Variants in GNA12 observed in about 807,000 individuals in gnomAD.
GNA12 encodes G protein subunit alpha 12, also known as guanine nucleotide-binding protein subunit alpha-12.
GNA12 carries 9 observed loss-of-function variants against 26.0 expected under a neutral mutation model. The observed-to-expected ratio is 0.35, with a 90% CI of 0.21 to 0.60. The LOEUF (loss-of-function observed/expected upper bound fraction) is 0.60. GNA12 is among the 20% of genes least tolerant of loss of function. The probability of loss-of-function intolerance (pLI) is 0.78; values close to 1 mark genes in which losing one functional copy is unlikely to be tolerated. For synonymous variants in GNA12, 264 were observed against 219.6 expected, an observed-to-expected ratio of 1.20 and a Z score of -1.79; for missense variants, 405 against 525.8, an observed-to-expected ratio of 0.77 and a Z score of 2.25.
intron 2 of GNA12, among the ~76,000 whole-genome samples, chr7:2,756,859 G>T (rs986114812): frequency 6.6e-6 from 1 of 152,038 alleles, no homozygotes; most frequent in Admixed American, 6.5e-5. Context: ...GATCCCTTGA[G>T]CCCAGGCCAT....
At chr7:2,733,848 G>A (rs542212627) in intron 2 of GNA12, among the ~76,000 whole-genome samples, 2 of 152,320 alleles carry the variant, frequency 1.3e-5, no homozygotes, top group South Asian at 4.1e-4. Context: ...GCCAGCAAAG[G>A]ACAGGCTAGA....
At chr7:2,767,354 G>A (rs1791833462) in intron 2 of GNA12, among the ~76,000 whole-genome samples, 1 of 152,046 alleles carries the variant, frequency 6.6e-6, no homozygotes. Context: ...TTTCTTCTAG[G>A]AGTTTTAGTT....
intron 2 of GNA12, among the ~76,000 whole-genome samples, chr7:2,746,860 A>G (rs975666540): frequency 2.6e-5 from 4 of 152,138 alleles, no homozygotes; most frequent in African/African-American, 7.2e-5. Context: ...CCACAGAAAT[A>G]CAAACTACCA....
intron 1 of GNA12, among the ~76,000 whole-genome samples, chr7:2,819,772 G>A (rs1029642090): frequency 3.9e-5 from 6 of 152,256 alleles, no homozygotes; most frequent in South Asian, 2.1e-4. Context: ...CCCCAAAGAC[G>A]TTATATTGGT....
chr7:2,786,952 A>G (rs1054674763), intron 2 of GNA12, among the ~76,000 whole-genome samples: 35 of 152,320 alleles, frequency 2.3e-4, no homozygotes, highest in African/African-American at 8.2e-4. Context: ...GGAAGACACC[A>G]GATGCCACTG....
rs150519840 is a variant in GNA12 at position 2,731,486 on chromosome 7, C to T, written c.841G>A (p.Val281Ile). ...ACGTTGAAGAAGAGCTTGTTGTTGA[C>T]GATGGTCTCGAAGATGTTCATGGAC... ...VESMNIFETI[V>I]NNKLFFNVSI... The change falls in exon 4 of 4, where the codon GTC becomes ATC. Residue 281 changes from valine (V) to isoleucine (I), a missense_variant. By Grantham distance (29) the Val-to-Ile change is conservative (BLOSUM62 3). Transcript: ENST00000275364. This position sits in a 1 kb window ranked among gnomAD's most constrained non-coding sequence, Gnocchi z 6.0. The T allele has an allele frequency of 1.5e-5, 25 of 1,613,676 alleles. No homozygotes were observed. The highest frequency in any genetic ancestry group is 7.7e-5 in the South Asian group (7 of 91,058).
At chr7:2,767,165 A>G (rs1583263131) in intron 2 of GNA12, among the ~76,000 whole-genome samples, 1 of 152,286 alleles carries the variant, frequency 6.6e-6, no homozygotes. Flanking sequence ...TGATTTGCAA[A>G]TATTTTTCCC....
intron 2 of GNA12, among the ~76,000 whole-genome samples, chr7:2,768,674 AAACAAAACAAAAC>A (rs933186261): frequency 2.4e-5 from 3 of 123,008 alleles, no homozygotes; most frequent in Non-Finnish European, 3.9e-5. Context: ...GGTAAAAAAA[AAACAAAACAAAAC>A]AAAAAAAAAA....
chr7:2,800,660 G>A (rs1369486529), intron 1 of GNA12, among the ~76,000 whole-genome samples: 2 of 152,204 alleles, frequency 1.3e-5, no homozygotes, highest in Admixed American at 6.5e-5. Flanking sequence ...AGCAGAGGCC[G>A]AAGGCAAAGA....
Position 2,815,010 on chromosome 7 carries a change from C to T in GNA12, c.310-19867G>A. 2.0e-6 allele frequency: 3 copies of T among 1,531,048 alleles called. No individual in the cohort carries two copies. The South Asian group carries it at 3.7e-5, about 19-fold the overall frequency. 94.8% of individuals were successfully genotyped at this position (1,531,048 alleles called of 1,614,324 possible). On this transcript the variant is annotated intron_variant, in intron 1 of 3. Coordinates refer to ENST00000275364, the MANE Select transcript of GNA12 (RefSeq NM_007353.3). ...GTCACTGTATCCAGGTCTAATCTCG[C>T]CCCTTCCACCCAATCCAGTCCCCTG...
intron 2 of GNA12, chr7:2,762,775 G>A (rs780469944): frequency 6.5e-7 from 1 of 1,546,466 alleles, no homozygotes; most frequent in Non-Finnish European, 8.7e-7. Flanking sequence ...TTTCCACCCA[G>A]GCTGTACAAA....
At chr7:2,750,811 G>A (rs1056430709) in intron 2 of GNA12, among the ~76,000 whole-genome samples, 1 of 152,308 alleles carries the variant, frequency 6.6e-6, no homozygotes, top group South Asian at 2.1e-4. Context: ...TACAAAGTGA[G>A]GCCTCAGAAC....
chr7:2,780,048 G>GTGTATATATATA lies in GNA12; in HGVS notation c.525+14879_525+14880insTATATATATACA, dbSNP rs748113158. On this transcript the variant is annotated intron_variant, in intron 2 of 3. Coordinates refer to ENST00000275364, the MANE Select transcript of GNA12 (RefSeq NM_007353.3). ...GTACTAGTTTTTTACACATTTCTGT[G>GTGTATATATATA]TACATATATATATATATATATATAT... Among the ~76,000 whole-genome samples the GTGTATATATATA allele has an allele frequency of 5.1e-3, 434 of 84,652 alleles. 21 individuals are homozygous for GTGTATATATATA. Among genetic ancestry groups the GTGTATATATATA allele is most frequent in the Middle Eastern group, 0.015 (2 of 134 alleles). 55.5% of individuals were successfully genotyped at this position (84,652 alleles called of 152,430 possible). A position where few individuals can be genotyped will look rare whatever the true frequency, so the allele number is the denominator to read the frequency against.
intron 1 of GNA12, among the ~76,000 whole-genome samples, chr7:2,796,436 T>C (rs995876337): frequency 6.6e-6 from 1 of 152,130 alleles, no homozygotes; most frequent in Non-Finnish European, 1.5e-5. Flanking sequence ...GGGAGATGAC[T>C]GTACTGCCAA....
At chr7:2,805,053 G>C (rs975380094) in intron 1 of GNA12, among the ~76,000 whole-genome samples, 1 of 152,174 alleles carries the variant, frequency 6.6e-6, no homozygotes, top group Non-Finnish European at 1.5e-5. Flanking sequence ...GATCCAACCT[G>C]GTCAAGCTGG....
intron 2 of GNA12, among the ~76,000 whole-genome samples, chr7:2,753,087 C>G (rs1393940417): frequency 6.6e-6 from 1 of 152,104 alleles, no homozygotes; most frequent in Admixed American, 6.5e-5. Context: ...AGTCACTGAT[C>G]TGTTTTCTGT....
At chr7:2,832,404 C>T (rs1479013731) in intron 1 of GNA12, among the ~76,000 whole-genome samples, 2 of 152,202 alleles carry the variant, frequency 1.3e-5, no homozygotes, top group Non-Finnish European at 2.9e-5. Flanking sequence ...CTAGCCTGGC[C>T]TTTCCCAGTT....
Position 2,754,643 on chromosome 7 carries a change from G to T in GNA12, c.526-21142C>A, listed in dbSNP as rs558923475. Among the ~76,000 whole-genome samples, 238 of 152,174 alleles carry T rather than the reference G, an allele frequency of 1.6e-3. 2 individuals carry two copies. Among genetic ancestry groups the T allele is most frequent in the Middle Eastern group, 0.01 (3 of 294 alleles). ...CGTTCCTGTAGTCCCAGCTATTAGG[G>T]GAGGCTGGGACAAGAGGACTGCTTG... On this transcript the variant is annotated intron_variant, in intron 2 of 3. Transcript: ENST00000275364.
intron 1 of GNA12, among the ~76,000 whole-genome samples, chr7:2,824,808 T>C (rs1793446939): frequency 6.6e-6 from 1 of 152,294 alleles, no homozygotes; most frequent in East Asian, 1.9e-4. Context: ...GCTCAAAGCG[T>C]AGCTGAGGGC....
Sources: allele counts gnomAD v4.1 joint callset (sites outside exome capture counted in the v4.1 genomes callset), GRCh38; gene constraint gnomAD v4.1.1; non-coding constraint Gnocchi (gnomAD v3.1); transcripts MANE v1.5; gene names NCBI Gene and HGNC (gene_info 2026-07-23, HGNC 2026-07-21).